LDLRAD4: variants seen among roughly 807,000 people sequenced by gnomAD.
LDLRAD4 encodes the protein low density lipoprotein receptor class A domain containing 4, also known as low-density lipoprotein receptor class A domain-containing protein 4.
A neutral mutation model predicts 17.0 loss-of-function variants in LDLRAD4; 5 were observed. The observed-to-expected ratio is 0.29, with a 90% CI of 0.15 to 0.62. The LOEUF (loss-of-function observed/expected upper bound fraction) is 0.62. Ranked by LOEUF, LDLRAD4 falls within the 20% of genes least tolerant of loss-of-function variation. The pLI is 0.84. For missense variants in LDLRAD4, 340 were observed against 424.7 expected (o/e 0.80, Z 1.75); for synonymous variants, 168 against 171.8 (o/e 0.98, Z 0.17).
At chr18:13,319,818 G>A (rs2081124068) in intron 1 of LDLRAD4, among the ~76,000 whole-genome samples, 1 of 152,210 alleles carries the variant, frequency 6.6e-6, no homozygotes, top group Admixed American at 6.5e-5. Context: ...GATGACCTTT[G>A]AGGTCAATAT....
intron 4 of LDLRAD4, among the ~76,000 whole-genome samples, chr18:13,635,947 GT>G (rs2042041829): frequency 6.6e-6 from 1 of 151,840 alleles, no homozygotes; most frequent in Non-Finnish European, 1.5e-5. Flanking sequence ...GTGTGTGTGT[GT>G]GTGTGTGTGT....
intron 3 of LDLRAD4, chr18:13,462,325 A>G (rs531169395): frequency 6.6e-6 from 1 of 152,568 alleles, no homozygotes; most frequent in Non-Finnish European, 1.5e-5. Context: ...GGGTCCATGC[A>G]GTTACTCTGA....
intron 1 of LDLRAD4, among the ~76,000 whole-genome samples, chr18:13,231,269 G>T (rs2042057819): frequency 6.6e-6 from 1 of 152,208 alleles, no homozygotes; most frequent in South Asian, 2.1e-4. Flanking sequence ...AGAAGAAATG[G>T]CAGTGGACAC....
chr18:13,473,032 C>T (rs1467146828), intron 3 of LDLRAD4, among the ~76,000 whole-genome samples: 1 of 152,324 alleles, frequency 6.6e-6, no homozygotes, highest in African/African-American at 2.4e-5. Context: ...ATCTTCTCAA[C>T]TGAAATGAAA....
At chr18:13,493,606 A>G (rs1417106467) in intron 3 of LDLRAD4, among the ~76,000 whole-genome samples, 1 of 152,186 alleles carries the variant, frequency 6.6e-6, no homozygotes, top group Non-Finnish European at 1.5e-5. Context: ...ATTTTCCAAT[A>G]TTTGAATGGC....
rs2086909122 is a variant in LDLRAD4 at position 13,398,729 on chromosome 18, C to A, written c.40+10967C>A. ...CAGTGTGCTGGTGGGCTGCTGGTGT[C>A]CTCACAGCCTCTGACCACCAGCCTG... is the stretch of plus-strand genomic sequence containing the variant. On this transcript the variant is annotated intron_variant, in intron 2 of 5. Transcript: ENST00000359446. This position sits in a 1 kb window ranked among gnomAD's most constrained non-coding sequence, Gnocchi z 4.8. Among the ~76,000 whole-genome samples the A allele has an allele frequency of 6.6e-6, 1 of 152,034 alleles. No individual in the cohort carries two copies. The highest frequency in any genetic ancestry group is 1.5e-5 in the Non-Finnish European group (1 of 68,004).
At chr18:13,295,642 G>A (rs1211477301) in intron 1 of LDLRAD4, among the ~76,000 whole-genome samples, 1 of 152,216 alleles carries the variant, frequency 6.6e-6, no homozygotes, top group African/African-American at 2.4e-5. Context: ...CTATGATGGT[G>A]GTAGTCTGGT....
At chr18:13,413,791 C>T (rs959424297) in intron 2 of LDLRAD4, among the ~76,000 whole-genome samples, 5 of 151,748 alleles carry the variant, frequency 3.3e-5, no homozygotes, top group African/African-American at 9.7e-5. Flanking sequence ...TTGGGCTGGG[C>T]GGGGTGGCAC....
At chr18:13,490,487 G>A (rs2093336076) in intron 3 of LDLRAD4, 1 of 152,128 alleles carries the variant, frequency 6.6e-6, no homozygotes, top group Admixed American at 6.5e-5. Context: ...TTATGAAGTG[G>A]TAGCAAGAAA....
At chr18:13,399,565 A>G (rs1413745382) in intron 2 of LDLRAD4, among the ~76,000 whole-genome samples, 1 of 152,254 alleles carries the variant, frequency 6.6e-6, no homozygotes, top group East Asian at 1.9e-4. Flanking sequence ...GTTGTTAGCC[A>G]TCGACTCACT....
chr18:13,473,124 A>G (rs72878814), intron 3 of LDLRAD4, among the ~76,000 whole-genome samples: 10,617 of 151,796 alleles, frequency 0.07, 491 homozygotes, highest in East Asian at 0.19. Flanking sequence ...AAGGCAGAAT[A>G]TAGTTCACAG....
At chr18:13,488,867 C>G (rs183056495) in intron 3 of LDLRAD4, 1 of 152,322 alleles carries the variant, frequency 6.6e-6, no homozygotes, top group East Asian at 1.9e-4. Context: ...CAGGGAGGTC[C>G]CTAAACACTA....
chr18:13,571,007 A>G (rs1368839135), intron 3 of LDLRAD4, among the ~76,000 whole-genome samples: 1 of 151,914 alleles, frequency 6.6e-6, no homozygotes, highest in East Asian at 1.9e-4. Context: ...TTTTGTGGAG[A>G]TGGGGTCTTG....
intron 1 of LDLRAD4, among the ~76,000 whole-genome samples, chr18:13,220,390 A>G (rs1250105681): frequency 2.0e-5 from 3 of 152,140 alleles, no homozygotes; most frequent in Admixed American, 1.3e-4. Context: ...TTGTATTTAC[A>G]TTGGAGAAGA....
intron 3 of LDLRAD4, among the ~76,000 whole-genome samples, chr18:13,517,466 G>A (rs1261309594): frequency 6.6e-6 from 1 of 152,220 alleles, no homozygotes; most frequent in African/African-American, 2.4e-5. Flanking sequence ...TTGCCCATGG[G>A]TTATGAAGTC....
At chr18:13,454,670 T>C (rs1267985843) in intron 3 of LDLRAD4, among the ~76,000 whole-genome samples, 1 of 152,202 alleles carries the variant, frequency 6.6e-6, no homozygotes, top group Non-Finnish European at 1.5e-5. Context: ...AGGACATGCC[T>C]GGCCCGGGAT....
intron 1 of LDLRAD4, among the ~76,000 whole-genome samples, chr18:13,299,895 G>A (rs1471235692): frequency 1.3e-5 from 2 of 152,170 alleles, no homozygotes; most frequent in Admixed American, 6.5e-5. Flanking sequence ...CTACATGGCT[G>A]CTGGTGGTGA....
intron 3 of LDLRAD4, among the ~76,000 whole-genome samples, chr18:13,558,343 A>G (rs1324035677): frequency 6.6e-6 from 1 of 152,160 alleles, no homozygotes; most frequent in Non-Finnish European, 1.5e-5. Flanking sequence ...CAGAAGCACC[A>G]CTTGCCTACC....
chr18:13,643,776 T>C (rs545338987), intron 5 of LDLRAD4, among the ~76,000 whole-genome samples: 10 of 152,376 alleles, frequency 6.6e-5, no homozygotes, highest in African/African-American at 2.4e-4. Context: ...AAATAACATG[T>C]TTTTGCCTTT....
Sources: gnomAD v4.1 joint callset for allele counts (sites outside exome capture counted in the v4.1 genomes callset) on GRCh38, gnomAD v4.1.1 for gene constraint, Gnocchi (gnomAD v3.1) non-coding constraint, MANE v1.5 for transcripts, NCBI Gene and HGNC (gene_info 2026-07-23, HGNC 2026-07-21) for gene names.